CD2AP: variants seen among roughly 807,000 people sequenced by gnomAD.
CD2AP encodes the protein CD2-associated protein.
Under a neutral mutation model 85.1 loss-of-function variants are expected in CD2AP, and 46 were observed. That is an observed-to-expected ratio of 0.54 (90% CI 0.43 to 0.69). The LOEUF is 0.69. CD2AP is among the 30% of genes least tolerant of loss of function. The pLI is 0.00. For missense variants in CD2AP, 769 were observed against 729.5 expected, an observed-to-expected ratio of 1.05 and a Z score of -0.62; for synonymous variants, 255 against 252.9, an observed-to-expected ratio of 1.01 and a Z score of -0.08.
intron 2 of CD2AP, among the ~76,000 whole-genome samples, chr6:47,510,963 C>T (rs1231874773): frequency 6.7e-6 from 1 of 149,930 alleles, no homozygotes; most frequent in Non-Finnish European, 1.5e-5. Context: ...GTCCCAGCTA[C>T]TCAGGAAGCT....
intron 5 of CD2AP, among the ~76,000 whole-genome samples, chr6:47,565,166 C>T (rs1767960029): frequency 6.6e-6 from 1 of 152,054 alleles, no homozygotes; most frequent in African/African-American, 2.4e-5. Context: ...TTTAAGAATG[C>T]CACCATTATG....
intron 4 of CD2AP, among the ~76,000 whole-genome samples, chr6:47,552,829 C>T (rs903791309): frequency 3.9e-5 from 6 of 152,172 alleles, no homozygotes; most frequent in Non-Finnish European, 7.3e-5. Flanking sequence ...TCATGCTTTA[C>T]TGCCTTCCCT....
chr6:47,493,904 C>T (rs1029723149), intron 1 of CD2AP, among the ~76,000 whole-genome samples: 1 of 152,028 alleles, frequency 6.6e-6, no homozygotes, highest in African/African-American at 2.4e-5. Flanking sequence ...TCCAGCTTTT[C>T]CTTCTGTTTC....
chr6:47,589,520 A>G (rs1171881994), intron 11 of CD2AP, among the ~76,000 whole-genome samples: 2 of 96,522 alleles, frequency 2.1e-5, no homozygotes, highest in African/African-American at 3.2e-5. Flanking sequence ...ACGTATGTAC[A>G]CACATATATA....
At chr6:47,479,674 T>A (rs4715020) in intron 1 of CD2AP, among the ~76,000 whole-genome samples, 150,837 of 152,348 alleles carry the variant, frequency 0.99, 74,688 homozygotes, top group Middle Eastern at 1. Context: ...CTAAAGTTAA[T>A]TACACAGTTC....
chr6:47,483,139 A>T (rs75039796), intron 1 of CD2AP, among the ~76,000 whole-genome samples: 2,378 of 152,332 alleles, frequency 0.016, 43 homozygotes, highest in African/African-American at 0.038. Flanking sequence ...GCTTAGTTGT[A>T]GCATTTGATA....
intron 14 of CD2AP, 35 bp from the exon 15 acceptor site, chr6:47,607,892 C>T (rs370681671): frequency 7.2e-7 from 1 of 1,391,000 alleles, no homozygotes; most frequent in Non-Finnish European, 1.0e-6. Flanking sequence ...TTTCTTTGGT[C>T]TATTATGTCT....
At chr6:47,619,678 TC>T (rs1769695186) in intron 17 of CD2AP, among the ~76,000 whole-genome samples, 1 of 152,222 alleles carries the variant, frequency 6.6e-6, no homozygotes, top group Non-Finnish European at 1.5e-5. Flanking sequence ...TAGTTTACGT[TC>T]CCACCAGCAG....
At chr6:47,520,555 G>A (rs1766560943) in intron 2 of CD2AP, among the ~76,000 whole-genome samples, 1 of 152,038 alleles carries the variant, frequency 6.6e-6, no homozygotes, top group Non-Finnish European at 1.5e-5. Flanking sequence ...TAGTGTGGAG[G>A]GAAGTCCCGG....
At chr6:47,533,565 A>G (rs1766946685) in intron 2 of CD2AP, 37 bp from the exon 3 acceptor site, 1 of 1,595,938 alleles carries the variant, frequency 6.3e-7, no homozygotes, top group South Asian at 1.1e-5. Context: ...AAAAAATATA[A>G]CTTAACTTGC....
chr6:47,572,363 G>A (rs138482652), intron 5 of CD2AP, among the ~76,000 whole-genome samples: 2 of 152,284 alleles, frequency 1.3e-5, no homozygotes, highest in East Asian at 1.9e-4. Context: ...TTACTGAAAT[G>A]CATATTTAAA....
At chr6:47,526,984 A>G (rs1398471684) in intron 2 of CD2AP, among the ~76,000 whole-genome samples, 1 of 152,172 alleles carries the variant, frequency 6.6e-6, no homozygotes, top group East Asian at 1.9e-4. Flanking sequence ...AGCAAATCAA[A>G]GTAATTTTCT....
At position 47,529,183 on chromosome 6, in the gene CD2AP, GCCCCCCC is replaced by G. The variant is rs55740283; in HGVS notation, c.166-4408_166-4402del. On this transcript the variant is annotated intron_variant, in intron 2 of 17. Transcript: ENST00000359314. ...ACCTGGTATATTTAACTCTAGTACT[GCCCCCCC>G]CCCCCCCCCCAACTTATTGCACTAT... Among the ~76,000 whole-genome samples, 2 of 60,156 alleles carry G rather than the reference GCCCCCCC, an allele frequency of 3.3e-5. 1 individual carries two copies. The highest frequency in any genetic ancestry group is 1.8e-4 in the African/African-American group (2 of 11,368). The allele number at this position is 60,156 out of a possible 152,430, so 39.5% of individuals were successfully genotyped here.
chr6:47,542,835 A>G (rs1482422814), intron 3 of CD2AP, among the ~76,000 whole-genome samples: 1 of 152,136 alleles, frequency 6.6e-6, no homozygotes, highest in East Asian at 1.9e-4. Flanking sequence ...AGAGTAGCAC[A>G]AAAGAAGATT....
chr6:47,543,163 A>G (rs1457198259), intron 3 of CD2AP, among the ~76,000 whole-genome samples: 1 of 147,938 alleles, frequency 6.8e-6, no homozygotes, highest in East Asian at 1.9e-4. Context: ...AAAAAAAAAA[A>G]AAAAAAAAAG....
intron 1 of CD2AP, among the ~76,000 whole-genome samples, chr6:47,500,749 GTT>G (rs35365087): frequency 7.8e-5 from 11 of 140,312 alleles, no homozygotes; most frequent in Admixed American, 7.1e-5. Context: ...TCCTTCCTTG[GTT>G]TTTTTTTTTT....
chr6:47,539,843 T>C (rs1767160278), intron 3 of CD2AP, among the ~76,000 whole-genome samples: 1 of 152,084 alleles, frequency 6.6e-6, no homozygotes, highest in African/African-American at 2.4e-5. Flanking sequence ...TACAATTAAT[T>C]TTTTTGTAGA....
chr6:47,610,971 A>ATATATATATATATATATATATATATTT, intron 16 of CD2AP, among the ~76,000 whole-genome samples: 76 of 112,840 alleles, frequency 6.7e-4, no homozygotes, highest in African/African-American at 2.3e-3. Flanking sequence ...ATATATATGT[A>ATATATATATATATATATATATATATTT]TTTTTTTTTT....
chr6:47,621,360 T>G (rs1190086751), intron 17 of CD2AP, among the ~76,000 whole-genome samples: 1 of 152,238 alleles, frequency 6.6e-6, no homozygotes, highest in Non-Finnish European at 1.5e-5. Flanking sequence ...GACTTGTGTA[T>G]GTTAAACCAT....
Sources: gnomAD v4.1 joint callset for allele counts (sites outside exome capture counted in the v4.1 genomes callset) on GRCh38, gnomAD v4.1.1 for gene constraint, MANE v1.5 for transcripts, NCBI Gene and HGNC (gene_info 2026-07-23, HGNC 2026-07-21) for gene names.